SLC26A4: variants seen among roughly 807,000 people sequenced by gnomAD.
SLC26A4 encodes solute carrier family 26 member 4.
SLC26A4 carries 93 observed loss-of-function variants against 90.4 expected under a neutral mutation model. That is an observed-to-expected ratio of 1.03 (90% confidence interval 0.87 to 1.22). SLC26A4 has a LOEUF of 1.22. SLC26A4 is among the 50% of genes most tolerant of loss of function. The pLI is 0.00. For synonymous variants in SLC26A4, 393 were observed against 354.6 expected (o/e 1.11, Z -1.22); for missense variants, 1,127 against 946.2 (o/e 1.19, Z -2.51).
intron 3 of SLC26A4, among the ~76,000 whole-genome samples, chr7:107,665,747 C>A (rs1049687565): frequency 6.6e-6 from 1 of 152,194 alleles, no homozygotes; most frequent in African/African-American, 2.4e-5. Flanking sequence ...ATCCTCATAA[C>A]AATCCTGCTA....
At position 107,689,098 on chromosome 7, in the gene SLC26A4, G is replaced by C; in HGVS notation, c.1047G>C (p.Met349Ile). 1 of 1,613,988 alleles carries C rather than the reference G, an allele frequency of 6.2e-7. No homozygotes were observed. Residue 349 changes from methionine to isoleucine, a missense_variant, in exon 9 of 21, where the codon ATG (methionine) becomes ATC (isoleucine). Met to Ile is a conservative substitution (Grantham distance 10, BLOSUM62 1). Coordinates refer to ENST00000644269, the MANE Select transcript of SLC26A4 (RefSeq NM_000441.2). ...ELPPVSLFSE[M>I]LAASFSIAVV... The stretch of plus-strand genomic sequence containing the variant: ...CACCTGTGAGCTTGTTCTCGGAGAT[G>C]CTGGCTGCATCATTTTCCATCGCTG...
rs181882513 is a variant in SLC26A4 at position 107,698,105 on chromosome 7, C to T, written c.1608C>T (p.Tyr536=). The change falls in exon 14 of 21, where the codon TAC becomes TAT. Residue 536 remains tyrosine (Y), a synonymous_variant. Transcript: ENST00000644269. ...STDIYKSTKN[Y]KNIEEPQGVK... ...ATATCTACAAAAGTACCAAGAATTACAAAAACGTAAGTACCTTTGTGAGAC... is the reference window on the plus strand; with the variant it reads ...ATATCTACAAAAGTACCAAGAATTATAAAAACGTAAGTACCTTTGTGAGAC... The T allele has an allele frequency of 2.3e-5, 37 of 1,601,340 alleles. No homozygotes were observed. The highest frequency in any genetic ancestry group is 3.3e-4 in the Middle Eastern group (2 of 6,030).
chr7:107,700,022 A>G, intron 14 of SLC26A4, 61 bp from the exon 15 acceptor site: 1 of 979,028 alleles, frequency 1.0e-6, no homozygotes, highest in South Asian at 1.3e-5. Flanking sequence ...GTAGCCAGAA[A>G]TGTAATTAAA....
chr7:107,679,970 A>G (rs1179613259), intron 6 of SLC26A4, among the ~76,000 whole-genome samples: 1 of 137,842 alleles, frequency 7.3e-6, no homozygotes, highest in East Asian at 2.2e-4. Flanking sequence ...ATCTTATTAT[A>G]TAATATAATC....
chr7:107,703,579 G>C (rs1311264384), intron 17 of SLC26A4, among the ~76,000 whole-genome samples: 2 of 152,178 alleles, frequency 1.3e-5, no homozygotes, highest in African/African-American at 4.8e-5. Context: ...ATATTGGCCA[G>C]AGAGTTCAAT....
chr7:107,672,842 G>A (rs762906336), intron 4 of SLC26A4, among the ~76,000 whole-genome samples: 5 of 152,120 alleles, frequency 3.3e-5, no homozygotes, highest in Admixed American at 1.3e-4. Flanking sequence ...TTGAATTCTC[G>A]TTTGTTAGAA....
chr7:107,690,212 A>G lies in SLC26A4; in HGVS notation c.1238A>G (p.Gln413Arg), dbSNP rs142498437. Reference protein sequence around the residue: ...ATTALSRTAVQESTGGKTQVA... With the variant: ...ATTALSRTAVRESTGGKTQVA... ...ACTGCTCTTTCCCGCACGGCCGTCC[A>G]GGAGAGCACTGGAGGAAAGACACAG... is the stretch of plus-strand genomic sequence containing the variant. Residue 413 changes from glutamine to arginine, a missense_variant, in exon 10 of 21, where the codon CAG becomes CGG. Coordinates refer to ENST00000644269, the MANE Select transcript of SLC26A4 (RefSeq NM_000441.2). 5 of 1,608,914 alleles carry G rather than the reference A, an allele frequency of 3.1e-6. No homozygotes were observed. Among genetic ancestry groups the G allele is most frequent in the African/African-American group, 1.3e-5 (1 of 74,798 alleles).
chr7:107,716,439 CTAAAAATTGAACTACCTATAG>C lies in SLC26A4; in HGVS notation c.*996_*1016del, dbSNP rs1326323820. 6.6e-6 allele frequency: 1 copy of C among 151,896 alleles called. No homozygotes were observed. The highest frequency in any genetic ancestry group is 1.9e-4 in the East Asian group (1 of 5,190). 9.4% of individuals were successfully genotyped at this position (151,896 alleles called of 1,614,324 possible). A position where few individuals can be genotyped will look rare whatever the true frequency, so the allele number is the denominator to read the frequency against. The stretch of plus-strand genomic sequence containing the variant: ...GAACTCTGACCACTTAAAAAAAAAT[CTAAAAATTGAACTACCTATAG>C]TAGTCTGTGTTTAAAGTGAATTTTT... On this transcript the variant is annotated 3_prime_UTR_variant, in exon 21 of 21. Transcript: ENST00000644269.
At chr7:107,694,542 T>A (rs1340950598) in intron 11 of SLC26A4, 62 bp downstream of exon 11, 5 of 1,522,924 alleles carry the variant, frequency 3.3e-6, no homozygotes, top group Non-Finnish European at 2.7e-6. Context: ...TGCTACCAGA[T>A]AAATAACAGG....
intron 3 of SLC26A4, among the ~76,000 whole-genome samples, chr7:107,664,741 A>G (rs939934736): frequency 6.6e-6 from 1 of 152,140 alleles, no homozygotes; most frequent in Non-Finnish European, 1.5e-5. Context: ...ATATTCCCAT[A>G]AGCATCTTAG....
rs758525465 is a variant in SLC26A4 at position 107,661,595 on chromosome 7, C to T, written c.-3-44C>T. On this transcript the variant is annotated intron_variant, in intron 1 of 20. Transcript: ENST00000644269. This position sits in a 1 kb window ranked among gnomAD's most constrained non-coding sequence, Gnocchi z 5.1. The stretch of plus-strand genomic sequence containing the variant: ...CTCGCTCTTCCCCTCCGATCGTCCT[C>T]GCTTACCGCGTGTCCTCCCTCCTCG... 2.0e-6 allele frequency: 3 copies of T among 1,536,810 alleles called. No individual in the cohort carries two copies. The highest frequency in any genetic ancestry group is 2.4e-5 in the South Asian group (2 of 84,092).
intron 13 of SLC26A4, among the ~76,000 whole-genome samples, chr7:107,696,463 C>T (rs1487837140): frequency 6.6e-6 from 1 of 152,198 alleles, no homozygotes; most frequent in Non-Finnish European, 1.5e-5. Context: ...ATGTAAGGCG[C>T]TCGGCCCCAG....
chr7:107,701,869 G>A lies in SLC26A4; in HGVS notation c.1846G>A (p.Glu616Lys). The change falls in exon 17 of 21, where the codon GAG (glutamate) becomes AAG (lysine). Residue 616 changes from glutamate to lysine, a missense_variant. Transcript: ENST00000644269. ...SDAVSTNNAFEPDEDIEDLEE... is the reference protein window; with the variant it reads ...SDAVSTNNAFKPDEDIEDLEE... ...TGCTGTTTCAACAAATAATGCTTTTGAGCCTGATGAGGATATTGAAGATCT... is the reference window on the plus strand; with the variant it reads ...TGCTGTTTCAACAAATAATGCTTTTAAGCCTGATGAGGATATTGAAGATCT... 1 of 1,613,122 alleles carries A rather than the reference G, an allele frequency of 6.2e-7. No homozygotes were observed. Among genetic ancestry groups the A allele is most frequent in the Non-Finnish European group, 8.5e-7 (1 of 1,179,106 alleles).
In SLC26A4 at chr7:107,701,899, G is replaced by A; in HGVS notation, c.1876G>A (p.Glu626Lys). 1 of 1,613,032 alleles carries A rather than the reference G, an allele frequency of 6.2e-7. No homozygotes were observed. The highest frequency in any genetic ancestry group is 1.1e-5 in the South Asian group (1 of 91,070). The change falls in exon 17 of 21, where the codon GAA becomes AAA. Residue 626 changes from glutamate to lysine, a missense_variant. Physicochemically the swap from Glu to Lys is moderately conservative, Grantham distance 56. Transcript: ENST00000644269. ...EPDEDIEDLE[E>K]LDIPTKEIEI... is the part of the protein sequence containing the mutation. Reference sequence around the variant, plus strand: ...TGATGAGGATATTGAAGATCTGGAGGAACTTGATATCCCAACCAAGGAAAT... The same window carrying A: ...TGATGAGGATATTGAAGATCTGGAGAAACTTGATATCCCAACCAAGGAAAT...
chr7:107,715,869 A>C lies in SLC26A4; in HGVS notation c.*423A>C, dbSNP rs1448083211. ...CCATGAGCTGCACTGATCACCATGT[A>C]AGGTCACATTTAGTAAATGCTGAAA... On this transcript the variant is annotated 3_prime_UTR_variant, in exon 21 of 21. Coordinates refer to ENST00000644269, the MANE Select transcript of SLC26A4 (RefSeq NM_000441.2). The C allele has an allele frequency of 1.1e-5, 2 of 176,060 alleles. No homozygotes were observed. Among genetic ancestry groups the C allele is most frequent in the Non-Finnish European group, 2.4e-5 (2 of 82,492 alleles). The allele number at this position is 176,060 out of a possible 1,614,324, so 10.9% of individuals were successfully genotyped here.
At chr7:107,698,144 G>T (rs1280354926) in intron 14 of SLC26A4, 33 bp downstream of exon 14, 34 of 1,387,760 alleles carry the variant, frequency 2.4e-5, no homozygotes, top group Non-Finnish European at 3.5e-5. Flanking sequence ...TGCTGGACTT[G>T]GGTTTACTAG....
intron 5 of SLC26A4, 139 bp downstream of exon 5, chr7:107,674,487 G>A (rs1358109554): frequency 1.3e-6 from 1 of 759,356 alleles, no homozygotes; most frequent in Non-Finnish European, 2.2e-6. Flanking sequence ...AAATTACGTT[G>A]TTTTAGGTCA....
At chr7:107,688,527 ATTAAT>A (rs1330097804) in intron 8 of SLC26A4, among the ~76,000 whole-genome samples, 2 of 152,174 alleles carry the variant, frequency 1.3e-5, no homozygotes, top group Non-Finnish European at 2.9e-5. Flanking sequence ...TGATAATTAC[ATTAAT>A]TTAATCTTTT....
At chr7:107,705,008 C>T (rs1166473210) in intron 18 of SLC26A4, among the ~76,000 whole-genome samples, 1 of 152,094 alleles carries the variant, frequency 6.6e-6, no homozygotes, top group Non-Finnish European at 1.5e-5. Flanking sequence ...TGTGCCTGTG[C>T]CTTGCATGAC....
Sources: gnomAD v4.1 joint callset for allele counts (sites outside exome capture counted in the v4.1 genomes callset) on GRCh38, gnomAD v4.1.1 for gene constraint, Gnocchi (gnomAD v3.1) non-coding constraint, MANE v1.5 for transcripts, NCBI Gene and HGNC (gene_info 2026-07-23, HGNC 2026-07-21) for gene names.